The following SIK3 variants were observed in gnomAD, a reference collection of about 807,000 sequenced individuals.
SIK3 encodes SIK family kinase 3.
A neutral mutation model predicts 144.2 loss-of-function variants in SIK3; 28 were observed. That is an observed-to-expected ratio of 0.19 (90% CI 0.14 to 0.27). SIK3 has a LOEUF of 0.27. Among genes scored for constraint, SIK3 ranks in the 10% least tolerant of loss-of-function variants. The probability of loss-of-function intolerance (pLI) is 1.00; values close to 1 mark genes in which losing one functional copy is unlikely to be tolerated. For missense variants in SIK3, 1,319 were observed against 1,776.0 expected (o/e 0.74, Z 4.62); for synonymous variants, 686 against 676.3 (o/e 1.01, Z -0.22).
intron 1 of SIK3, among the ~76,000 whole-genome samples, chr11:116,982,941 C>G (rs1266643494): frequency 2.6e-5 from 1 of 38,140 alleles, no homozygotes; most frequent in Admixed American, 3.6e-4. Flanking sequence ...GAGACTCCGT[C>G]TCAAAAAAAA....
At chr11:117,025,696 T>A (rs937480239) in intron 1 of SIK3, among the ~76,000 whole-genome samples, 3 of 152,120 alleles carry the variant, frequency 2.0e-5, no homozygotes, top group Admixed American at 2.0e-4. Context: ...CCTCCCAAAA[T>A]GCTGGGATTA....
At chr11:117,006,064 T>C (rs1951035782) in intron 1 of SIK3, among the ~76,000 whole-genome samples, 1 of 152,156 alleles carries the variant, frequency 6.6e-6, no homozygotes, top group Non-Finnish European at 1.5e-5. Context: ...ACTAAACAGT[T>C]CTATACTTTC....
chr11:117,018,716 A>AT (rs1555129224), intron 1 of SIK3, among the ~76,000 whole-genome samples: 143 of 72,954 alleles, frequency 2.0e-3, no homozygotes, highest in Middle Eastern at 6.5e-3. Flanking sequence ...ATTTTATTTT[A>AT]TTTATTTTTT....
chr11:116,986,533 G>A (rs905509359), intron 1 of SIK3, among the ~76,000 whole-genome samples: 2 of 152,112 alleles, frequency 1.3e-5, no homozygotes, highest in African/African-American at 4.8e-5. Flanking sequence ...AGATGACTTA[G>A]CTTTGAGCTT....
At chr11:117,059,114 G>A (rs987549273) in intron 1 of SIK3, among the ~76,000 whole-genome samples, 2 of 152,138 alleles carry the variant, frequency 1.3e-5, no homozygotes, top group African/African-American at 4.8e-5. Flanking sequence ...TGTTCAAAGA[G>A]AAAAATTTAC....
chr11:117,054,716 C>A (rs1953432613), intron 1 of SIK3, among the ~76,000 whole-genome samples: 1 of 151,982 alleles, frequency 6.6e-6, no homozygotes, highest in African/African-American at 2.4e-5. Flanking sequence ...ATCACTGGAG[C>A]CCAAGAATTC....
chr11:116,978,725 C>T (rs1950039631), intron 1 of SIK3, among the ~76,000 whole-genome samples: 1 of 151,138 alleles, frequency 6.6e-6, no homozygotes, highest in East Asian at 2.0e-4. Context: ...CCAAGCTGGT[C>T]TTGAACTCCT....
At chr11:116,883,817 C>T (rs1028215954) in intron 6 of SIK3, among the ~76,000 whole-genome samples, 2 of 151,970 alleles carry the variant, frequency 1.3e-5, no homozygotes, top group African/African-American at 4.8e-5. Flanking sequence ...GCCTGTAATT[C>T]CAGCTACTCA....
intron 21 of SIK3, among the ~76,000 whole-genome samples, chr11:116,853,734 T>C (rs754604182): frequency 6.6e-6 from 1 of 152,246 alleles, no homozygotes; most frequent in Non-Finnish European, 1.5e-5. Context: ...GAGAAGAGGA[T>C]GTGGTTTTCT....
rs181664848 is a variant in SIK3, at chr11:116,859,141, G to A, written c.2765+124C>T. 2.1e-3 allele frequency: 1,845 copies of A among 888,030 alleles called. 7 individuals are homozygous for A. Among genetic ancestry groups the A allele is most frequent in the Middle Eastern group, 8.6e-3 (27 of 3,128 alleles). The allele number at this position is 888,030 out of a possible 1,614,324, so 55.0% of individuals were successfully genotyped here. A position where few individuals can be genotyped will look rare whatever the true frequency, so the allele number is the denominator to read the frequency against. On this transcript the variant is annotated intron_variant, in intron 20 of 24. Coordinates refer to ENST00000445177, the MANE Select transcript of SIK3 (RefSeq NM_001366686.3). The stretch of plus-strand genomic sequence containing the variant: ...ACCCAGCATCCTGATTTTAGAAAGC[G>A]TGAAACAAGAGCACAGCCTAGTCAG...
At chr11:117,094,521 T>A (rs573712767) in intron 1 of SIK3, among the ~76,000 whole-genome samples, 1 of 152,064 alleles carries the variant, frequency 6.6e-6, no homozygotes, top group Non-Finnish European at 1.5e-5. Context: ...GGCAGGAGGA[T>A]CTCTTGAGCC....
At chr11:117,029,931 G>A (rs1370072100) in intron 1 of SIK3, among the ~76,000 whole-genome samples, 1 of 151,822 alleles carries the variant, frequency 6.6e-6, no homozygotes, top group East Asian at 1.9e-4. Flanking sequence ...AAGGCAAGGG[G>A]CTGGTTCTGA....
At chr11:117,067,975 C>G (rs1465228940) in intron 1 of SIK3, among the ~76,000 whole-genome samples, 1 of 151,802 alleles carries the variant, frequency 6.6e-6, no homozygotes, top group African/African-American at 2.4e-5. Context: ...CAGAACAAGA[C>G]CCTGTCTCAA....
At chr11:116,907,404 T>C (rs1311246404) in intron 4 of SIK3, among the ~76,000 whole-genome samples, 7 of 152,222 alleles carry the variant, frequency 4.6e-5, no homozygotes, top group Non-Finnish European at 7.3e-5. Flanking sequence ...CCCAGAACTT[T>C]GGGAGGCCAA....
chr11:117,040,307 CATTA>C (rs1437023451), intron 1 of SIK3, among the ~76,000 whole-genome samples: 1 of 152,142 alleles, frequency 6.6e-6, no homozygotes, highest in Non-Finnish European at 1.5e-5. Flanking sequence ...TTCTTCACTA[CATTA>C]ATTATCTAAA....
intron 1 of SIK3, among the ~76,000 whole-genome samples, chr11:117,069,134 G>A (rs1254395822): frequency 7.0e-6 from 1 of 143,144 alleles, no homozygotes; most frequent in African/African-American, 2.6e-5. Flanking sequence ...GAAGATAAAG[G>A]GGTAGGCTTG....
chr11:116,979,496 T>C (rs1217189927), intron 1 of SIK3, among the ~76,000 whole-genome samples: 1 of 152,182 alleles, frequency 6.6e-6, no homozygotes, highest in African/African-American at 2.4e-5. Context: ...TATGCAAAAA[T>C]GTGGCCAAAT....
At position 116,863,565 on chromosome 11, in the gene SIK3, T is replaced by G. The variant is rs1334691035; in HGVS notation, c.2103+103A>C. On this transcript the variant is annotated intron_variant, in intron 16 of 24. Transcript: ENST00000445177. ...ACTTTTTTAACCTATAAAACTGCAA[T>G]GTTGCTGACATAAAAGGGGTACGTT... is the stretch of plus-strand genomic sequence containing the variant. 9.2e-6 allele frequency: 14 copies of G among 1,515,996 alleles called. No homozygotes were observed. The East Asian group carries it at 3.2e-4, about 35-fold the overall frequency. The allele number at this position is 1,515,996 out of a possible 1,614,324, so 93.9% of individuals were successfully genotyped here.
intron 3 of SIK3, among the ~76,000 whole-genome samples, chr11:116,939,487 A>G (rs1291278410): frequency 3.3e-5 from 5 of 152,238 alleles, no homozygotes; most frequent in Non-Finnish European, 7.3e-5. Context: ...AAATGACAGG[A>G]GTAGATAAAA....
Sources: gnomAD v4.1 joint callset for allele counts (sites outside exome capture counted in the v4.1 genomes callset) on GRCh38, gnomAD v4.1.1 for gene constraint, MANE v1.5 for transcripts, NCBI Gene and HGNC (gene_info 2026-07-23, HGNC 2026-07-21) for gene names.